NAALAD2: variants seen among roughly 807,000 people sequenced by gnomAD.
NAALAD2 encodes N-acetylated-alpha-linked acidic dipeptidase 2.
Under a neutral mutation model 95.6 loss-of-function variants are expected in NAALAD2, and 89 were observed. That is an observed-to-expected ratio of 0.93 (90% CI 0.78 to 1.11). The LOEUF (loss-of-function observed/expected upper bound fraction) is 1.11. NAALAD2 is among the 50% of genes least tolerant of loss of function. The pLI, the probability that NAALAD2 is intolerant of heterozygous loss-of-function variation, is 0.00. For missense variants in NAALAD2, 894 were observed against 872.4 expected (o/e 1.02, Z -0.31); for synonymous variants, 264 against 294.4 (o/e 0.90, Z 1.06).
intron 18 of NAALAD2, among the ~76,000 whole-genome samples, chr11:90,187,773 T>C (rs1458897003): frequency 6.6e-6 from 1 of 152,160 alleles, no homozygotes; most frequent in Non-Finnish European, 1.5e-5. Flanking sequence ...AATGGAGAGA[T>C]TACCAAATCT....
chr11:90,171,897 G>A (rs1259707660), intron 13 of NAALAD2, among the ~76,000 whole-genome samples: 1 of 152,134 alleles, frequency 6.6e-6, no homozygotes, highest in Admixed American at 6.5e-5. Flanking sequence ...GACTCATCTA[G>A]CCGAGTGTGG....
At chr11:90,174,039 G>A in intron 14 of NAALAD2, 124 bp downstream of exon 14, 3 of 755,822 alleles carry the variant, frequency 4.0e-6, no homozygotes, top group Non-Finnish European at 6.5e-6. Context: ...AAAAGATAAT[G>A]AAGAATTCCT....
rs1951410995 is a variant in NAALAD2, at chr11:90,134,722, A to AT, written c.-36dup. ...TTCTCTGCAGCCCCGAAGCTCGCGAATGTAGCAGGCGCCCCAAGCTCGGTC... is the reference window on the plus strand; with the variant it reads ...TTCTCTGCAGCCCCGAAGCTCGCGAATTGTAGCAGGCGCCCCAAGCTCGGTC... On this transcript the variant is annotated 5_prime_UTR_variant, in exon 1 of 19. It removes an upstream start codon present in the reference 5' UTR. Coordinates refer to ENST00000534061, the MANE Select transcript of NAALAD2 (RefSeq NM_005467.4). The AT allele has an allele frequency of 1.9e-6, 3 of 1,605,812 alleles. No individual in the cohort carries two copies. Among genetic ancestry groups the AT allele is most frequent in the Non-Finnish European group, 2.6e-6 (3 of 1,173,702 alleles).
chr11:90,161,568 C>T (rs900793435), intron 8 of NAALAD2, among the ~76,000 whole-genome samples: 5 of 152,074 alleles, frequency 3.3e-5, no homozygotes, highest in African/African-American at 9.7e-5. Context: ...TTATTTGAAA[C>T]GTGATAAGTT....
rs749818857 is a variant in NAALAD2 at position 90,135,618 on chromosome 11, C to T, written c.142C>T (p.Arg48Trp). 3.1e-6 allele frequency: 5 copies of T among 1,612,938 alleles called. No homozygotes were observed. Among genetic ancestry groups the T allele is most frequent in the Non-Finnish European group, 2.5e-6 (3 of 1,179,380 alleles). Residue 48 changes from arginine (R) to tryptophan (W), a missense_variant, in exon 2 of 19, where the codon CGG becomes TGG. By Grantham distance (101) the Arg-to-Trp change is moderately radical (BLOSUM62 -3). Transcript: ENST00000534061. ...TTCTGTGCGCTATCATCAAAGTATA[C>T]GGTGGAAACTGGTATCCGAAATGAA... ...TTSVRYHQSI[R>W]WKLVSEMKAE...
intron 4 of NAALAD2, 78 bp downstream of exon 4, chr11:90,149,185 C>T: frequency 1.3e-6 from 1 of 788,962 alleles, no homozygotes; most frequent in Non-Finnish European, 2.0e-6. Context: ...GGACTAAAAC[C>T]AAGGAAATTA....
intron 18 of NAALAD2, among the ~76,000 whole-genome samples, chr11:90,188,653 A>G (rs1343329844): frequency 6.6e-6 from 1 of 152,220 alleles, no homozygotes; most frequent in East Asian, 1.9e-4. Context: ...CACACTAGAA[A>G]TTAAGTTTCA....
intron 6 of NAALAD2, among the ~76,000 whole-genome samples, chr11:90,154,541 A>C (rs925392373): frequency 1.3e-5 from 2 of 151,696 alleles, no homozygotes; most frequent in African/African-American, 4.8e-5. Context: ...TATTTTTCTT[A>C]AGAATGTTTC....
chr11:90,141,031 C>G (rs1316205265), intron 2 of NAALAD2, among the ~76,000 whole-genome samples: 1 of 152,070 alleles, frequency 6.6e-6, no homozygotes, highest in Non-Finnish European at 1.5e-5. Flanking sequence ...TTGTGTGAGT[C>G]TATTTCTAGA....
At chr11:90,191,125 A>G (rs1857311793) in intron 18 of NAALAD2, among the ~76,000 whole-genome samples, 1 of 152,074 alleles carries the variant, frequency 6.6e-6, no homozygotes, top group Non-Finnish European at 1.5e-5. Context: ...CTTGTTTTTT[A>G]ATGTCTAAAA....
intron 18 of NAALAD2, among the ~76,000 whole-genome samples, chr11:90,190,929 T>C (rs1290865970): frequency 6.6e-6 from 1 of 152,122 alleles, no homozygotes; most frequent in Non-Finnish European, 1.5e-5. Flanking sequence ...ACGTCATTAT[T>C]GCGGAAAGTA....
chr11:90,167,939 A>G (rs1456816112), intron 11 of NAALAD2, among the ~76,000 whole-genome samples: 1 of 152,194 alleles, frequency 6.6e-6, no homozygotes, highest in Non-Finnish European at 1.5e-5. Flanking sequence ...AGAGAATAAA[A>G]GCAGGCTGCC....
chr11:90,188,066 G>T (rs772885544), intron 18 of NAALAD2, among the ~76,000 whole-genome samples: 36 of 152,250 alleles, frequency 2.4e-4, no homozygotes, highest in African/African-American at 8.7e-4. Flanking sequence ...CAGCCAGACT[G>T]GTTACAGCAC....
At chr11:90,166,137 G>T (rs1167696705) in intron 11 of NAALAD2, among the ~76,000 whole-genome samples, 1 of 152,178 alleles carries the variant, frequency 6.6e-6, no homozygotes, top group African/African-American at 2.4e-5. Flanking sequence ...AGAGGTGACA[G>T]TTTTTATTTG....
At chr11:90,159,473 A>G (rs1344144326) in intron 8 of NAALAD2, 136 bp downstream of exon 8, 1 of 598,790 alleles carries the variant, frequency 1.7e-6, no homozygotes, top group African/African-American at 1.9e-5. Flanking sequence ...TTACTTAAGA[A>G]GTACTTACAC....
chr11:90,181,303 A>ACT (rs1952960883), intron 16 of NAALAD2, among the ~76,000 whole-genome samples: 2 of 152,048 alleles, frequency 1.3e-5, no homozygotes, highest in African/African-American at 2.4e-5. Context: ...TGTCTAGCAT[A>ACT]CAGTTGTTGT....
At chr11:90,155,446 A>G (rs1336982995) in intron 6 of NAALAD2, among the ~76,000 whole-genome samples, 4 of 93,938 alleles carry the variant, frequency 4.3e-5, no homozygotes, top group Non-Finnish European at 7.7e-5. Context: ...TATAATATAT[A>G]ATATGTAATA....
intron 18 of NAALAD2, among the ~76,000 whole-genome samples, chr11:90,190,780 T>C (rs2135005222): frequency 6.6e-6 from 1 of 152,298 alleles, no homozygotes; most frequent in African/African-American, 2.4e-5. Context: ...TCATTAATCA[T>C]TAATCATTAA....
At position 90,149,107 on chromosome 11, in the gene NAALAD2, G is replaced by A. The variant is rs772615399; in HGVS notation, c.483G>A (p.Glu161=). 2.6e-6 allele frequency: 4 copies of A among 1,559,240 alleles called. No individual in the cohort carries two copies. The highest frequency in any genetic ancestry group is 4.6e-5 in the East Asian group (2 of 43,820). The part of the protein sequence containing the change: ...YNAFSAQGMP[E]GDLVYVNYAR... ...CTTTCTCAGCCCAAGGCATGCCAGA[G>A]GTAAAATAAAATACTTTTGTAATCC... The change falls in exon 4 of 19, where the codon GAG becomes GAA. Residue 161 remains glutamate (E), a splice_region_variant and synonymous_variant. Coordinates refer to ENST00000534061, the MANE Select transcript of NAALAD2 (RefSeq NM_005467.4).
Sources: allele counts gnomAD v4.1 joint callset (sites outside exome capture counted in the v4.1 genomes callset), GRCh38; gene constraint gnomAD v4.1.1; transcripts MANE v1.5; gene names NCBI Gene and HGNC (gene_info 2026-07-23, HGNC 2026-07-21).